The following ITPR3 variants were observed in gnomAD, a reference collection of about 807,000 sequenced individuals.
ITPR3 encodes the protein inositol 1,4,5-trisphosphate-gated calcium channel ITPR3.
Under a neutral mutation model 293.2 loss-of-function variants are expected in ITPR3, and 173 were observed. The ratio of observed to expected loss-of-function variants is 0.59; its 90% CI spans 0.52 to 0.67. ITPR3 has a LOEUF of 0.67. Among genes scored for constraint, ITPR3 ranks in the 30% least tolerant of loss-of-function variants. ITPR3 has a pLI of 0.00. For synonymous variants in ITPR3, 1,295 were observed against 1,444.4 expected (o/e 0.90, Z 2.35); for missense variants, 2,796 against 3,592.1 (o/e 0.78, Z 5.66).
chr6:33,694,260 ATGGAG>A (rs1374254241), intron 56 of ITPR3: 1 of 156,328 alleles, frequency 6.4e-6, no homozygotes, highest in African/African-American at 2.4e-5. Context: ...TTCTGTAATA[ATGGAG>A]TGAAGGCAAT....
At chr6:33,674,388 C>T (rs770362434) in intron 24 of ITPR3, 123 bp downstream of exon 24, 21 of 881,008 alleles carry the variant, frequency 2.4e-5, no homozygotes, top group Admixed American at 7.2e-5. Context: ...TCTGCAGACC[C>T]TCACCGGGCT....
At chr6:33,652,273 A>G (rs1481729280) in intron 2 of ITPR3, among the ~76,000 whole-genome samples, 7 of 151,898 alleles carry the variant, frequency 4.6e-5, no homozygotes, top group Admixed American at 4.6e-4. Flanking sequence ...ACCTCCTTAT[A>G]CAGGAGGAAG....
chr6:33,673,046 A>G (rs1333089796), intron 22 of ITPR3, among the ~76,000 whole-genome samples: 2 of 152,074 alleles, frequency 1.3e-5, no homozygotes, highest in African/African-American at 2.4e-5. Flanking sequence ...TGGGCCTTCC[A>G]TGTCTGCATC....
chr6:33,658,566 C>T lies in ITPR3; in HGVS notation c.370-104C>T, dbSNP rs1764370825. On this transcript the variant is annotated intron_variant, in intron 4 of 57. Coordinates refer to ENST00000605930, the MANE Select transcript of ITPR3 (RefSeq NM_002224.4). This position sits in a 1 kb window ranked among gnomAD's most constrained non-coding sequence, Gnocchi z 6.1. Reference sequence around the variant, plus strand: ...TGACAGGTGTCTGACACTATGTGTGCAGCCAGAATGTGACCAAGGGTCTAG... The same window carrying T: ...TGACAGGTGTCTGACACTATGTGTGTAGCCAGAATGTGACCAAGGGTCTAG... The T allele has an allele frequency of 9.0e-6, 12 of 1,339,452 alleles. No individual in the cohort carries two copies. Among genetic ancestry groups the T allele is most frequent in the Non-Finnish European group, 1.1e-5 (11 of 964,886 alleles). 83.0% of individuals were successfully genotyped at this position (1,339,452 alleles called of 1,614,324 possible).
At position 33,690,146 on chromosome 6, in the gene ITPR3, T is replaced by G; in HGVS notation, c.6980T>G (p.Ile2327Ser). The G allele has an allele frequency of 6.2e-7, 1 of 1,613,744 alleles. No individual in the cohort carries two copies. The highest frequency in any genetic ancestry group is 8.5e-7 in the Non-Finnish European group (1 of 1,179,874). Residue 2327 changes from isoleucine to serine, a missense_variant, in exon 51 of 58, where the codon ATC becomes AGC. Ile to Ser is a moderately radical substitution (Grantham distance 142). Transcript: ENST00000605930. ...DMEFLYHVGY[I>S]LTSVLGLFAH... ...GAATTCCTCTACCACGTGGGCTACA[T>G]CCTGACCAGTGTCCTGGGCCTCTTT...
At chr6:33,661,992 GAAAAAAAAAAAAAA>G (rs55958712) in intron 7 of ITPR3, among the ~76,000 whole-genome samples, 3 of 47,186 alleles carry the variant, frequency 6.4e-5, no homozygotes, top group African/African-American at 2.0e-4. Flanking sequence ...GACTGTCTCT[GAAAAAAAAAAAAAA>G]AAAAAAAAAA....
Position 33,687,032 on chromosome 6 carries a change from G to A in ITPR3, c.6003G>A (p.Leu2001=), listed in dbSNP as rs1425304024. Residue 2001 remains leucine (L), a synonymous_variant, in exon 44 of 58, where the codon CTG becomes CTA. Coordinates refer to ENST00000605930, the MANE Select transcript of ITPR3 (RefSeq NM_002224.4). This position sits in a 1 kb window ranked among gnomAD's most constrained non-coding sequence, Gnocchi z 5.3. ...AGGACAATGCCTCCAAGCTGCTCCT[G>A]GCTCTGATGGAGAGCCGGCATGACA... The part of the protein sequence containing the change: ...QLKDNASKLL[L]ALMESRHDSE... 8.7e-6 allele frequency: 14 copies of A among 1,613,872 alleles called. No individual in the cohort carries two copies. The Admixed American group carries it at 2.3e-4, about 27-fold the overall frequency.
At chr6:33,648,048 A>G (rs970407653) in intron 2 of ITPR3, among the ~76,000 whole-genome samples, 23 of 148,982 alleles carry the variant, frequency 1.5e-4, no homozygotes, top group Non-Finnish European at 7.4e-5. Flanking sequence ...AAATGTTATG[A>G]TTATTCTATT....
In ITPR3 at chr6:33,670,321, G is replaced by A. The variant is rs376225890; in HGVS notation, c.2190-4G>A. On this transcript the variant is annotated splice_polypyrimidine_tract_variant and splice_region_variant and intron_variant, in intron 18 of 57. Coordinates refer to ENST00000605930, the MANE Select transcript of ITPR3 (RefSeq NM_002224.4). This position sits in a 1 kb window ranked among gnomAD's most constrained non-coding sequence, Gnocchi z 6.7. ...GTGTCCTCACAGTCCTCCCTGTCCT[G>A]CAGGTACCAGCTGAAGCTCTTTGCC... is the stretch of plus-strand genomic sequence containing the variant. 133 of 1,613,820 alleles carry A rather than the reference G, an allele frequency of 8.2e-5. No homozygotes were observed. The highest frequency in any genetic ancestry group is 1.1e-4 in the Non-Finnish European group (133 of 1,180,040).
intron 23 of ITPR3, 75 bp from the exon 24 acceptor site, chr6:33,674,133 T>C: frequency 6.4e-7 from 1 of 1,555,842 alleles, no homozygotes; most frequent in Non-Finnish European, 8.8e-7. Context: ...AGAGGGTGGT[T>C]TGAGTGTCTC....
At chr6:33,695,228 C>T (rs890859569) in intron 57 of ITPR3, 143 bp downstream of exon 57, 4 of 871,750 alleles carry the variant, frequency 4.6e-6, no homozygotes, top group Non-Finnish European at 6.9e-6. Flanking sequence ...CAAACCCACT[C>T]TCCCCTGCAT....
rs570539212 is a variant in ITPR3, at chr6:33,638,296, G to A, written c.90-2188G>A. Among the ~76,000 whole-genome samples, 22 of 152,328 alleles carry A rather than the reference G, an allele frequency of 1.4e-4. No individual in the cohort carries two copies. The highest frequency in any genetic ancestry group is 4.1e-4 in the South Asian group (2 of 4,824). ...AGGGATTACAGGCATGAGCCACCGC[G>A]TCCATCCACATAGGCATGATTGATT... On this transcript the variant is annotated intron_variant, in intron 1 of 57. Coordinates refer to ENST00000605930, the MANE Select transcript of ITPR3 (RefSeq NM_002224.4). This position sits in a 1 kb window ranked among gnomAD's most constrained non-coding sequence, Gnocchi z 4.3.
At position 33,690,907 on chromosome 6, in the gene ITPR3, C is replaced by T. The variant is rs144370996; in HGVS notation, c.7033-10C>T. 1 of 1,612,910 alleles carries T rather than the reference C, an allele frequency of 6.2e-7. No individual in the cohort carries two copies. The highest frequency in any genetic ancestry group is 8.5e-7 in the Non-Finnish European group (1 of 1,179,120). ...CAAGGTGCCATCCCTATCTCAACCC[C>T]ATCCTGCAGCTCTTTGACCTCATCT... On this transcript the variant is annotated splice_polypyrimidine_tract_variant and intron_variant, in intron 51 of 57. Coordinates refer to ENST00000605930, the MANE Select transcript of ITPR3 (RefSeq NM_002224.4).
chr6:33,687,591 G>A lies in ITPR3; in HGVS notation c.6264+27G>A, dbSNP rs752013367. On this transcript the variant is annotated intron_variant, in intron 46 of 57. Transcript: ENST00000605930. The surrounding 1 kb of genome is among the most constrained non-coding windows in gnomAD (Gnocchi z 5.3). ...TGGGTGCTGGCCCCGAGACTGGGGT[G>A]GGGGTGGGGCCTGGAACCCAGGGAG... 2 of 1,555,574 alleles carry A rather than the reference G, an allele frequency of 1.3e-6. No individual in the cohort carries two copies. Among genetic ancestry groups the A allele is most frequent in the Non-Finnish European group, 1.8e-6 (2 of 1,134,420 alleles).
At chr6:33,647,438 C>A (rs1475522706) in intron 2 of ITPR3, among the ~76,000 whole-genome samples, 1 of 152,136 alleles carries the variant, frequency 6.6e-6, no homozygotes, top group Non-Finnish European at 1.5e-5. Context: ...TTCTGTGCAA[C>A]TATTACCACC....
chr6:33,669,657 G>A lies in ITPR3; in HGVS notation c.2189+501G>A, dbSNP rs548325495. Among the ~76,000 whole-genome samples, 261 of 152,352 alleles carry A rather than the reference G, an allele frequency of 1.7e-3. 1 individual carries two copies. The highest frequency in any genetic ancestry group is 6.1e-3 in the African/African-American group (254 of 41,582). On this transcript the variant is annotated intron_variant, in intron 18 of 57. Coordinates refer to ENST00000605930, the MANE Select transcript of ITPR3 (RefSeq NM_002224.4). Reference sequence around the variant, plus strand: ...ACGCCCTTCTTACAATGCTTGCCACGTAGTGGGCACTTTTTTAAGCACTTG... The same window carrying A: ...ACGCCCTTCTTACAATGCTTGCCACATAGTGGGCACTTTTTTAAGCACTTG...
intron 55 of ITPR3, 72 bp from the exon 56 acceptor site, chr6:33,693,473 T>G: frequency 6.5e-7 from 1 of 1,542,480 alleles, no homozygotes; most frequent in Non-Finnish European, 8.9e-7. Context: ...GGAAGCTGGG[T>G]CCCCTCCAGC....
In ITPR3 at chr6:33,664,015, T is replaced by G; in HGVS notation, c.1148+135T>G. The G allele has an allele frequency of 9.3e-7, 1 of 1,073,892 alleles. No individual in the cohort carries two copies. Among genetic ancestry groups the G allele is most frequent in the Non-Finnish European group, 1.3e-6 (1 of 757,492 alleles). 66.5% of individuals were successfully genotyped at this position (1,073,892 alleles called of 1,614,324 possible). A position where few individuals can be genotyped will look rare whatever the true frequency, so the allele number is the denominator to read the frequency against. ...GCCTCTGGGGTCTCTGTAGGTCCCA[T>G]CCCTCTGGGGATCTAGCTCTGAGTC... On this transcript the variant is annotated intron_variant, in intron 11 of 57. Coordinates refer to ENST00000605930, the MANE Select transcript of ITPR3 (RefSeq NM_002224.4). This position sits in a 1 kb window ranked among gnomAD's most constrained non-coding sequence, Gnocchi z 4.4.
intron 2 of ITPR3, among the ~76,000 whole-genome samples, chr6:33,646,931 A>G (rs1199210144): frequency 6.6e-6 from 1 of 152,198 alleles, no homozygotes; most frequent in Non-Finnish European, 1.5e-5. Context: ...AAAAAGATGA[A>G]AAAAAGTATA....
Sources: allele counts gnomAD v4.1 joint callset (sites outside exome capture counted in the v4.1 genomes callset), GRCh38; gene constraint gnomAD v4.1.1; non-coding constraint Gnocchi (gnomAD v3.1); transcripts MANE v1.5; gene names NCBI Gene and HGNC (gene_info 2026-07-23, HGNC 2026-07-21).